CFDP1: variants seen among roughly 807,000 people sequenced by gnomAD.
CFDP1 encodes heterochromatin-stabilizing protein CFDP1.
A neutral mutation model predicts 40.1 loss-of-function variants in CFDP1; 31 were observed. The ratio of observed to expected loss-of-function variants is 0.77; its 90% CI spans 0.58 to 1.04. The LOEUF (loss-of-function observed/expected upper bound fraction) is 1.04. CFDP1 is among the 50% of genes least tolerant of loss of function. CFDP1 has a pLI of 0.00. For missense variants in CFDP1, 423 were observed against 343.4 expected (o/e 1.23, Z -1.83); for synonymous variants, 167 against 120.0 (o/e 1.39, Z -2.56).
chr16:75,347,797 C>G (rs1291598191), intron 5 of CFDP1, among the ~76,000 whole-genome samples: 2 of 152,188 alleles, frequency 1.3e-5, no homozygotes, highest in African/African-American at 4.8e-5. Flanking sequence ...GAGTAATACA[C>G]TGATATATGA....
In CFDP1 at chr16:75,412,167, C is replaced by T. The variant is rs377068719; in HGVS notation, c.403-215G>A. Among the ~76,000 whole-genome samples, 9 of 152,216 alleles carry T rather than the reference C, an allele frequency of 5.9e-5. No homozygotes were observed. In the East Asian group the frequency reaches 1.4e-3, roughly 23 times the overall value. On this transcript the variant is annotated intron_variant, in intron 3 of 6. Transcript: ENST00000283882. The stretch of plus-strand genomic sequence containing the variant: ...CAAAGTAGCTGGGATTACAGGCAAC[C>T]GCCACCACACCCAGCTAATTTTTGT...
chr16:75,323,660 T>C lies in CFDP1; in HGVS notation c.651-18478A>G, dbSNP rs575060837. Among the ~76,000 whole-genome samples the C allele has an allele frequency of 2.6e-5, 4 of 151,824 alleles. No individual in the cohort carries two copies. The South Asian group carries it at 8.3e-4, about 32-fold the overall frequency. On this transcript the variant is annotated intron_variant, in intron 5 of 6. Coordinates refer to ENST00000283882, the MANE Select transcript of CFDP1 (RefSeq NM_006324.3). ...CGGGCCTGGTGGAGCGTGCCTGTAA[T>C]CCCAGCTACTCCAGAGGCTGAGGCA...
intron 5 of CFDP1, among the ~76,000 whole-genome samples, chr16:75,356,851 C>A (rs1394302805): frequency 6.6e-6 from 1 of 151,922 alleles, no homozygotes; most frequent in East Asian, 1.9e-4. Context: ...CTGCAGCTTC[C>A]GCATCAGAAC....
At chr16:75,334,052 C>T (rs531139131) in intron 5 of CFDP1, among the ~76,000 whole-genome samples, 91 of 152,144 alleles carry the variant, frequency 6.0e-4, no homozygotes, top group African/African-American at 2.2e-3. Flanking sequence ...AGGCTGTGAG[C>T]ATTATTAATC....
intron 5 of CFDP1, among the ~76,000 whole-genome samples, chr16:75,326,612 A>G (rs1203533380): frequency 6.6e-6 from 1 of 152,236 alleles, no homozygotes; most frequent in East Asian, 1.9e-4. Flanking sequence ...AACAACAGCT[A>G]GAAAAAGACA....
intron 3 of CFDP1, 62 bp from the exon 4 acceptor site, chr16:75,412,014 C>T: frequency 6.6e-7 from 1 of 1,503,846 alleles, no homozygotes; most frequent in Non-Finnish European, 8.9e-7. Context: ...TTTACAGATA[C>T]TTTTTATTTT....
chr16:75,376,302 G>C (rs1191781570), intron 5 of CFDP1, among the ~76,000 whole-genome samples: 2 of 152,034 alleles, frequency 1.3e-5, no homozygotes, highest in Non-Finnish European at 2.9e-5. Context: ...AGGTACCCAA[G>C]ATAAATAAAA....
At chr16:75,337,501 G>A (rs758739684) in intron 5 of CFDP1, among the ~76,000 whole-genome samples, 1 of 152,158 alleles carries the variant, frequency 6.6e-6, no homozygotes, top group Non-Finnish European at 1.5e-5. Flanking sequence ...GTATTAGTCC[G>A]TTCTCACACT....
At chr16:75,410,388 A>G (rs879788957) in intron 4 of CFDP1, among the ~76,000 whole-genome samples, 23 of 152,202 alleles carry the variant, frequency 1.5e-4, no homozygotes, top group Non-Finnish European at 3.2e-4. Flanking sequence ...CCTAACAGCC[A>G]GGAGACTAAC....
chr16:75,405,721 G>A (rs970416633), intron 4 of CFDP1, among the ~76,000 whole-genome samples: 2 of 145,652 alleles, frequency 1.4e-5, no homozygotes, highest in East Asian at 4.1e-4. Flanking sequence ...TTGCACTCCA[G>A]CCTGGGTGAC....
At chr16:75,307,454 T>C (rs2078266519) in intron 5 of CFDP1, among the ~76,000 whole-genome samples, 1 of 152,138 alleles carries the variant, frequency 6.6e-6, no homozygotes, top group Non-Finnish European at 1.5e-5. Context: ...TGACCTCGGG[T>C]GATCTGCCCA....
intron 5 of CFDP1, among the ~76,000 whole-genome samples, chr16:75,359,653 A>T (rs2078669536): frequency 6.6e-6 from 1 of 152,096 alleles, no homozygotes; most frequent in Non-Finnish European, 1.5e-5. Flanking sequence ...GATCACCTCC[A>T]CCTTGCACTT....
chr16:75,393,310 T>C (rs1157913810), intron 5 of CFDP1, among the ~76,000 whole-genome samples: 1 of 152,154 alleles, frequency 6.6e-6, no homozygotes, highest in East Asian at 1.9e-4. Context: ...CTTCCTGGAA[T>C]CACCTCTCAC....
At chr16:75,408,718 A>G (rs2079127635) in intron 4 of CFDP1, among the ~76,000 whole-genome samples, 1 of 151,654 alleles carries the variant, frequency 6.6e-6, no homozygotes, top group South Asian at 2.1e-4. Flanking sequence ...GAGGTTGCAG[A>G]GAGCCGAGAT....
At chr16:75,425,763 G>A (rs935137273) in intron 1 of CFDP1, among the ~76,000 whole-genome samples, 2 of 152,064 alleles carry the variant, frequency 1.3e-5, no homozygotes, top group Admixed American at 6.6e-5. Flanking sequence ...GCCGGGCACG[G>A]TGGCTCACTC....
intron 5 of CFDP1, among the ~76,000 whole-genome samples, chr16:75,347,343 C>CAAAAAAAAAAAAAAAAA (rs762900031): frequency 1.1e-5 from 1 of 91,624 alleles, no homozygotes; most frequent in Non-Finnish European, 2.1e-5. Flanking sequence ...GACTCCATCT[C>CAAAAAAAAAAAAAAAAA]AAAAAAAAAA....
chr16:75,305,871 C>T (rs150876863), intron 5 of CFDP1, among the ~76,000 whole-genome samples: 4 of 152,258 alleles, frequency 2.6e-5, no homozygotes, highest in African/African-American at 4.8e-5. Context: ...TTCCTCACTC[C>T]GAAAGCTCAC....
chr16:75,316,693 G>A (rs2078325091), intron 5 of CFDP1, among the ~76,000 whole-genome samples: 1 of 151,982 alleles, frequency 6.6e-6, no homozygotes, highest in Admixed American at 6.6e-5. Context: ...AAAGAGGCCG[G>A]GCGCGGTGGC....
At chr16:75,294,854 C>A (rs571984427) in intron 6 of CFDP1, among the ~76,000 whole-genome samples, 1 of 152,288 alleles carries the variant, frequency 6.6e-6, no homozygotes, top group South Asian at 2.1e-4. Context: ...CCTCTGTCCT[C>A]CAGGCAGGAC....
Sources: allele counts gnomAD v4.1 joint callset (sites outside exome capture counted in the v4.1 genomes callset), GRCh38; gene constraint gnomAD v4.1.1; transcripts MANE v1.5; gene names NCBI Gene and HGNC (gene_info 2026-07-23, HGNC 2026-07-21).